PDZRN4: variants seen among roughly 807,000 people sequenced by gnomAD.
The protein encoded by PDZRN4 is PDZ domain containing ring finger 4.
In PDZRN4, 70 loss-of-function variants were observed where a neutral mutation model predicts 99.0. That is an observed-to-expected ratio of 0.71 (90% CI 0.58 to 0.86). The LOEUF is 0.86. Ranked by LOEUF, PDZRN4 falls within the 40% of genes least tolerant of loss-of-function variation. The pLI is 0.00. For missense variants in PDZRN4, 1,474 were observed against 1,331.2 expected (o/e 1.11, Z -1.67); for synonymous variants, 551 against 501.6 (o/e 1.10, Z -1.32).
chr12:41,506,691 G>A lies in PDZRN4; in HGVS notation c.1079G>A (p.Cys360Tyr), dbSNP rs1401957578. The change falls in exon 4 of 10, where the codon TGT (cysteine) becomes TAT (tyrosine). Residue 360 changes from cysteine (C) to tyrosine (Y), a missense_variant. Coordinates refer to ENST00000402685, the MANE Select transcript of PDZRN4 (RefSeq NM_001164595.2). The part of the protein sequence containing the change: ...RPPTPPVPDI[C>Y]PFLLSDSCHS... ...CCTACCCCTCCAGTGCCAGACATCTGTCCATTCCTGCTCTCAGACAGGTAT... is the reference window on the plus strand; with the variant it reads ...CCTACCCCTCCAGTGCCAGACATCTATCCATTCCTGCTCTCAGACAGGTAT... 6.2e-7 allele frequency: 1 copy of A among 1,612,102 alleles called. No individual in the cohort carries two copies. The highest frequency in any genetic ancestry group is 1.3e-5 in the African/African-American group (1 of 74,948).
chr12:41,361,299 C>T (rs1951962260), intron 3 of PDZRN4, among the ~76,000 whole-genome samples: 1 of 151,976 alleles, frequency 6.6e-6, no homozygotes, highest in East Asian at 1.9e-4. Context: ...ATTGGAAATG[C>T]TAATGAAATA....
At chr12:41,484,388 G>A (rs548270352) in intron 3 of PDZRN4, among the ~76,000 whole-genome samples, 1 of 152,252 alleles carries the variant, frequency 6.6e-6, no homozygotes, top group African/African-American at 2.4e-5. Context: ...AGTGCCTTTT[G>A]GCATGTTAGT....
At chr12:41,260,746 G>T (rs1951232654) in intron 3 of PDZRN4, among the ~76,000 whole-genome samples, 1 of 152,032 alleles carries the variant, frequency 6.6e-6, no homozygotes, top group African/African-American at 2.4e-5. Context: ...TCAGTAATAA[G>T]AATCTTATAT....
At chr12:41,220,016 G>C (rs947308491) in intron 3 of PDZRN4, among the ~76,000 whole-genome samples, 1 of 152,110 alleles carries the variant, frequency 6.6e-6, no homozygotes, top group Non-Finnish European at 1.5e-5. Flanking sequence ...AGACTAGTCA[G>C]AAAGATCTGT....
chr12:41,338,315 A>G (rs1390418043), intron 3 of PDZRN4, among the ~76,000 whole-genome samples: 4 of 152,110 alleles, frequency 2.6e-5, no homozygotes, highest in African/African-American at 7.2e-5. Flanking sequence ...AACTATTCCA[A>G]TTCTTATACT....
intron 5 of PDZRN4, among the ~76,000 whole-genome samples, chr12:41,547,418 G>A (rs951792405): frequency 2.0e-5 from 3 of 152,128 alleles, no homozygotes; most frequent in Non-Finnish European, 4.4e-5. Flanking sequence ...TTGAGGTCAG[G>A]AGTTTGAGAC....
At chr12:41,189,397 T>C (rs1375391885) in intron 1 of PDZRN4, among the ~76,000 whole-genome samples, 1 of 152,110 alleles carries the variant, frequency 6.6e-6, no homozygotes, top group African/African-American at 2.4e-5. Context: ...ATCCAGACTC[T>C]CGTTTTCCAT....
intron 3 of PDZRN4, among the ~76,000 whole-genome samples, chr12:41,223,999 G>A (rs955128437): frequency 1.3e-5 from 2 of 152,228 alleles, no homozygotes; most frequent in Admixed American, 1.3e-4. Context: ...CATGGTAGGA[G>A]GGGGACTAAG....
intron 3 of PDZRN4, among the ~76,000 whole-genome samples, chr12:41,323,955 G>A (rs1470405049): frequency 1.3e-5 from 2 of 151,864 alleles, no homozygotes; most frequent in East Asian, 1.9e-4. Flanking sequence ...GCTCTTAAAC[G>A]TAAACAACTG....
At chr12:41,431,784 A>G (rs1952588265) in intron 3 of PDZRN4, among the ~76,000 whole-genome samples, 1 of 152,230 alleles carries the variant, frequency 6.6e-6, no homozygotes, top group Admixed American at 6.5e-5. Context: ...TAGTGAACAC[A>G]GTGAGGAAAG....
intron 3 of PDZRN4, among the ~76,000 whole-genome samples, chr12:41,285,675 T>TA (rs1385129083): frequency 6.6e-6 from 1 of 152,084 alleles, no homozygotes; most frequent in Non-Finnish European, 1.5e-5. Context: ...TATGCAGCCA[T>TA]AAAAAATGAG....
intron 3 of PDZRN4, among the ~76,000 whole-genome samples, chr12:41,266,976 T>C (rs1951281406): frequency 6.6e-6 from 1 of 152,154 alleles, no homozygotes; most frequent in Non-Finnish European, 1.5e-5. Context: ...CGTCTGTCCA[T>C]CTATACAGTT....
intron 5 of PDZRN4, among the ~76,000 whole-genome samples, chr12:41,543,057 G>C (rs938548843): frequency 6.6e-6 from 1 of 152,076 alleles, no homozygotes; most frequent in African/African-American, 2.4e-5. Flanking sequence ...CACCTCTCTA[G>C]TGTCCTCTCT....
At chr12:41,200,889 G>A (rs1008254330) in intron 3 of PDZRN4, among the ~76,000 whole-genome samples, 2 of 151,840 alleles carry the variant, frequency 1.3e-5, no homozygotes, top group African/African-American at 4.8e-5. Flanking sequence ...TTGTTCCATC[G>A]TAGTATCCGA....
intron 3 of PDZRN4, among the ~76,000 whole-genome samples, chr12:41,243,684 A>C (rs1303139154): frequency 6.6e-6 from 1 of 152,218 alleles, no homozygotes; most frequent in Non-Finnish European, 1.5e-5. Flanking sequence ...AATTTGAGGT[A>C]ATGGTTTTTC....
At chr12:41,214,150 G>A (rs1171541341) in intron 3 of PDZRN4, among the ~76,000 whole-genome samples, 1 of 149,792 alleles carries the variant, frequency 6.7e-6, no homozygotes, top group Non-Finnish European at 1.5e-5. Context: ...TGGATATATT[G>A]GCTTACGCCT....
intron 3 of PDZRN4, among the ~76,000 whole-genome samples, chr12:41,307,664 C>CA (rs1951580908): frequency 6.6e-6 from 1 of 150,814 alleles, no homozygotes; most frequent in Non-Finnish European, 1.5e-5. Flanking sequence ...AGCAGCTTCA[C>CA]AAAATGTGGT....
chr12:41,276,509 A>G lies in PDZRN4; in HGVS notation c.843+82321A>G, dbSNP rs1238938238. 2.0e-5 allele frequency among the ~76,000 whole-genome samples: 3 copies of G among 152,092 alleles called. No homozygotes were observed. In the East Asian group the frequency reaches 5.8e-4, roughly 29 times the overall value. On this transcript the variant is annotated intron_variant, in intron 3 of 9. Coordinates refer to ENST00000402685, the MANE Select transcript of PDZRN4 (RefSeq NM_001164595.2). ...ATATTTATGAAATATGAAAATATAT[A>G]TTTCATATATTCATACATCATATTT...
chr12:41,388,241 C>A lies in PDZRN4; in HGVS notation c.844-118215C>A, dbSNP rs1952185732. On this transcript the variant is annotated intron_variant, in intron 3 of 9. Transcript: ENST00000402685. ...TAGAGGGAACAACACACGCTGGGGC[C>A]TATTAGAGCATGGAGGGTGGTTGGA... Among the ~76,000 whole-genome samples, 2 of 152,044 alleles carry A rather than the reference C, an allele frequency of 1.3e-5. 1 individual carries two copies. The highest frequency in any genetic ancestry group is 2.9e-5 in the Non-Finnish European group (2 of 68,006).
Sources: allele counts gnomAD v4.1 joint callset (sites outside exome capture counted in the v4.1 genomes callset), GRCh38; gene constraint gnomAD v4.1.1; transcripts MANE v1.5; gene names NCBI Gene and HGNC (gene_info 2026-07-23, HGNC 2026-07-21).